TMEM69: variants seen among roughly 807,000 people sequenced by gnomAD.
TMEM69 encodes chromosome 1 open reading frame 154.
A neutral mutation model predicts 15.8 loss-of-function variants in TMEM69; 17 were observed. The ratio of observed to expected loss-of-function variants is 1.07; its 90% confidence interval spans 0.73 to 1.61. The LOEUF is 1.61. Among genes scored for constraint, TMEM69 ranks in the 40% most tolerant of loss-of-function variants. The probability of loss-of-function intolerance (pLI) is 0.00; values close to 1 mark genes in which losing one functional copy is unlikely to be tolerated. For synonymous variants in TMEM69, 80 were observed against 98.6 expected, an observed-to-expected ratio of 0.81 and a Z score of 1.12; for missense variants, 230 against 286.1, an observed-to-expected ratio of 0.80 and a Z score of 1.41.
chr1:45,689,127 C>T (rs1372303350), intron 1 of TMEM69, among the ~76,000 whole-genome samples: 2 of 151,870 alleles, frequency 1.3e-5, no homozygotes, highest in Non-Finnish European at 2.9e-5. Flanking sequence ...CCAGGCTGGT[C>T]TCGAACTCCT....
chr1:45,689,344 T>TA (rs1645327660), intron 1 of TMEM69, among the ~76,000 whole-genome samples: 1 of 152,234 alleles, frequency 6.6e-6, no homozygotes, highest in Non-Finnish European at 1.5e-5. Flanking sequence ...TTAGAGTTTT[T>TA]AATCAGTCCC....
chr1:45,692,475 A>C (rs1024835722), intron 2 of TMEM69, among the ~76,000 whole-genome samples: 26 of 152,202 alleles, frequency 1.7e-4, no homozygotes, highest in Admixed American at 1.6e-3. Flanking sequence ...AATGAAAGGC[A>C]GTGGGGATTT....
At position 45,688,216 on chromosome 1, in the gene TMEM69, G is replaced by A. The variant is rs1480233103; in HGVS notation, c.-155G>A. On this transcript the variant is annotated 5_prime_UTR_variant, in exon 1 of 3. Transcript: ENST00000372025. ...AGTGCCTTTCCAGTGGACCTGGGCTGTTGTTGCGGTTGTTTTCCTTCTCTC... is the reference window on the plus strand; with the variant it reads ...AGTGCCTTTCCAGTGGACCTGGGCTATTGTTGCGGTTGTTTTCCTTCTCTC... The A allele has an allele frequency of 6.6e-6, 1 of 152,166 alleles. No homozygotes were observed. Among genetic ancestry groups the A allele is most frequent in the Non-Finnish European group, 1.5e-5 (1 of 68,054 alleles). The allele number at this position is 152,166 out of a possible 1,614,324, so 9.4% of individuals were successfully genotyped here. A position where few individuals can be genotyped will look rare whatever the true frequency, so the allele number is the denominator to read the frequency against.
Position 45,693,986 on chromosome 1 carries a change from G to A in TMEM69, c.*81G>A. 3 of 930,828 alleles carry A rather than the reference G, an allele frequency of 3.2e-6. No homozygotes were observed. The highest frequency in any genetic ancestry group is 3.1e-6 in the Non-Finnish European group (2 of 640,190). The allele number at this position is 930,828 out of a possible 1,614,324, so 57.7% of individuals were successfully genotyped here. ...GGGAAGTGAGGAGCGCCTCTGCCTGGCCGCCTGACCATCTGGGAAGTGTGA... is the reference window on the plus strand; with the variant it reads ...GGGAAGTGAGGAGCGCCTCTGCCTGACCGCCTGACCATCTGGGAAGTGTGA... On this transcript the variant is annotated 3_prime_UTR_variant, in exon 3 of 3. Transcript: ENST00000372025.
chr1:45,693,693 A>G lies in TMEM69; in HGVS notation c.532A>G (p.Ile178Val), dbSNP rs1645361997. 6.2e-7 allele frequency: 1 copy of G among 1,613,984 alleles called. No homozygotes were observed. Among genetic ancestry groups the G allele is most frequent in the African/African-American group, 1.3e-5 (1 of 74,906 alleles). Residue 178 changes from isoleucine (I) to valine (V), a missense_variant, in exon 3 of 3, where the codon ATT becomes GTT. Coordinates refer to ENST00000372025, the MANE Select transcript of TMEM69 (RefSeq NM_016486.4). ...PLFFSWFAFL[I>V]SERLSEAIVT... The stretch of plus-strand genomic sequence containing the variant: ...TTTCTTTTCATGGTTTGCCTTCCTT[A>G]TTTCTGAAAGACTTAGTGAAGCCAT...
In TMEM69 at chr1:45,693,900, G is replaced by A. The variant is rs1210661234; in HGVS notation, c.739G>A (p.Val247Ile). 6.3e-7 allele frequency: 1 copy of A among 1,583,094 alleles called. No homozygotes were observed. The highest frequency in any genetic ancestry group is 1.4e-5 in the African/African-American group (1 of 73,320). Reference sequence around the variant, plus strand: ...AAAAGGACATAAGAGACCTGGTCAAGTATAAAAAATATAAAAGTCTGGGAA... The same window carrying A: ...AAAAGGACATAAGAGACCTGGTCAAATATAAAAAATATAAAAGTCTGGGAA... ...PEKGHKRPGQ[V>I] The change falls in exon 3 of 3, where the codon GTA becomes ATA. Residue 247 changes from valine to isoleucine, a missense_variant. Physicochemically the swap from Val to Ile is conservative, Grantham distance 29 (BLOSUM62 3). Coordinates refer to ENST00000372025, the MANE Select transcript of TMEM69 (RefSeq NM_016486.4).
intron 1 of TMEM69, among the ~76,000 whole-genome samples, chr1:45,689,730 C>T (rs1438651164): frequency 6.6e-6 from 1 of 151,788 alleles, no homozygotes; most frequent in African/African-American, 2.4e-5. Context: ...CCCAGCTACT[C>T]AGGAGGCTGA....
At chr1:45,690,230 G>A (rs779700223) in intron 1 of TMEM69, among the ~76,000 whole-genome samples, 19 of 152,134 alleles carry the variant, frequency 1.2e-4, no homozygotes, top group Non-Finnish European at 1.8e-4. Flanking sequence ...CACCGGGCGC[G>A]GTGGCTCATG....
In TMEM69 at chr1:45,693,708, AG is replaced by A. The variant is rs1356413800; in HGVS notation, c.548del (p.Ser183MetfsTer4). On this transcript the variant is annotated frameshift_variant, in exon 3 of 3. Transcript: ENST00000372025. LOFTEE classifies it high-confidence loss of function. ...WFAFLISERL[S>X]EAIVTVIMGM... ...TGCCTTCCTTATTTCTGAAAGACTT[AG>A]TGAAGCCATAGTCACAGTAATAATG... 6.2e-7 allele frequency: 1 copy of A among 1,614,028 alleles called. No homozygotes were observed. Among genetic ancestry groups the A allele is most frequent in the African/African-American group, 1.3e-5 (1 of 74,906 alleles).
chr1:45,690,594 G>GA (rs904508510), intron 1 of TMEM69, among the ~76,000 whole-genome samples: 5 of 151,096 alleles, frequency 3.3e-5, no homozygotes, highest in Non-Finnish European at 7.4e-5. Context: ...AAAATAGGAG[G>GA]AAAAAAGGAA....
At position 45,694,279 on chromosome 1, in the gene TMEM69, C is replaced by T; in HGVS notation, c.*374C>T. The T allele has an allele frequency of 1.6e-6, 1 of 611,550 alleles. No homozygotes were observed. The highest frequency in any genetic ancestry group is 2.9e-5 in the East Asian group (1 of 34,524). 37.9% of individuals were successfully genotyped at this position (611,550 alleles called of 1,614,324 possible). Reference sequence around the variant, plus strand: ...TCTTCATTTCTAGAAATTGTTACTTCATGGTAATTACTTGAGCAAAAGCTT... The same window carrying T: ...TCTTCATTTCTAGAAATTGTTACTTTATGGTAATTACTTGAGCAAAAGCTT... On this transcript the variant is annotated 3_prime_UTR_variant, in exon 3 of 3. Transcript: ENST00000372025.
At chr1:45,693,147 T>C in intron 2 of TMEM69, 57 bp from the exon 3 acceptor site, 1 of 1,306,170 alleles carries the variant, frequency 7.7e-7, no homozygotes, top group Non-Finnish European at 1.1e-6. Context: ...TTGACTAAAA[T>C]CTGATGATAC....
chr1:45,694,305 G>C lies in TMEM69; in HGVS notation c.*400G>C. 3.1e-6 allele frequency: 2 copies of C among 641,856 alleles called. No homozygotes were observed. The highest frequency in any genetic ancestry group is 5.5e-6 in the Non-Finnish European group (2 of 363,560). 39.8% of individuals were successfully genotyped at this position (641,856 alleles called of 1,614,324 possible). A position where few individuals can be genotyped will look rare whatever the true frequency, so the allele number is the denominator to read the frequency against. On this transcript the variant is annotated 3_prime_UTR_variant, in exon 3 of 3. Coordinates refer to ENST00000372025, the MANE Select transcript of TMEM69 (RefSeq NM_016486.4). ...ATGGTAATTACTTGAGCAAAAGCTT[G>C]AAAATCCCTGACAAGTACTTTTCAT...
chr1:45,689,229 G>A (rs560441111), intron 1 of TMEM69, among the ~76,000 whole-genome samples: 3 of 151,940 alleles, frequency 2.0e-5, no homozygotes, highest in Admixed American at 2.0e-4. Context: ...TTAAAATTAA[G>A]CAGCAACTGT....
chr1:45,694,030 C>A lies in TMEM69; in HGVS notation c.*125C>A, dbSNP rs557819445. Reference sequence around the variant, plus strand: ...AGTGTGACAAGCGCCTCTGCCCGGCCGCTGTGCAACCTTCCACGTGTGAAG... The same window carrying A: ...AGTGTGACAAGCGCCTCTGCCCGGCAGCTGTGCAACCTTCCACGTGTGAAG... On this transcript the variant is annotated 3_prime_UTR_variant, in exon 3 of 3. Coordinates refer to ENST00000372025, the MANE Select transcript of TMEM69 (RefSeq NM_016486.4). The A allele has an allele frequency of 1.6e-6, 1 of 606,986 alleles. No individual in the cohort carries two copies. Among genetic ancestry groups the A allele is most frequent in the Admixed American group, 3.2e-5 (1 of 31,016 alleles). The allele number at this position is 606,986 out of a possible 1,614,324, so 37.6% of individuals were successfully genotyped here. A position where few individuals can be genotyped will look rare whatever the true frequency, so the allele number is the denominator to read the frequency against.
At chr1:45,690,636 GT>G (rs1023110001) in intron 1 of TMEM69, among the ~76,000 whole-genome samples, 3 of 150,010 alleles carry the variant, frequency 2.0e-5, no homozygotes, top group Admixed American at 1.3e-4. Flanking sequence ...TTTTGTTTTG[GT>G]TTTTTTTTTA....
At chr1:45,690,831 A>T (rs1348025024) in intron 1 of TMEM69, 143 bp from the exon 2 acceptor site, 13 of 558,738 alleles carry the variant, frequency 2.3e-5, no homozygotes, top group Non-Finnish European at 4.1e-5. Context: ...TACTAAAAGG[A>T]TCTATTTTGT....
rs551643675 is a variant in TMEM69, at chr1:45,693,214, A to G, written c.53A>G (p.Tyr18Cys). The G allele has an allele frequency of 6.2e-7, 1 of 1,606,072 alleles. No individual in the cohort carries two copies. The highest frequency in any genetic ancestry group is 1.1e-5 in the South Asian group (1 of 89,864). ...FSQASSKILKYSFPVGLRTSR... is the reference protein window; with the variant it reads ...FSQASSKILKCSFPVGLRTSR... Reference sequence around the variant, plus strand: ...CTATTTTCTTTGTAGATACTGAAGTACTCTTTCCCAGTGGGACTAAGAACC... The same window carrying G: ...CTATTTTCTTTGTAGATACTGAAGTGCTCTTTCCCAGTGGGACTAAGAACC... The change falls in exon 3 of 3, where the codon TAC (tyrosine) becomes TGC (cysteine). Residue 18 changes from tyrosine (Y) to cysteine (C), a missense_variant. By Grantham distance (194) the Tyr-to-Cys change is radical. Coordinates refer to ENST00000372025, the MANE Select transcript of TMEM69 (RefSeq NM_016486.4).
rs188726213 is a variant in TMEM69 at position 45,690,979 on chromosome 1, T to C, written c.-90T>C. On this transcript the variant is annotated 5_prime_UTR_variant, in exon 2 of 3. It removes an upstream start codon present in the reference 5' UTR. Coordinates refer to ENST00000372025, the MANE Select transcript of TMEM69 (RefSeq NM_016486.4). Reference sequence around the variant, plus strand: ...ACACCTTGTGTTATACACAGAAACATGCCCCTGATTCAGTGCCTCTGCTTA... The same window carrying C: ...ACACCTTGTGTTATACACAGAAACACGCCCCTGATTCAGTGCCTCTGCTTA... 2.8e-6 allele frequency: 4 copies of C among 1,407,286 alleles called. No homozygotes were observed. Among genetic ancestry groups the C allele is most frequent in the East Asian group, 4.6e-5 (2 of 43,810 alleles). The allele number at this position is 1,407,286 out of a possible 1,614,324, so 87.2% of individuals were successfully genotyped here.
Sources: gnomAD v4.1 joint callset for allele counts (sites outside exome capture counted in the v4.1 genomes callset) on GRCh38, gnomAD v4.1.1 for gene constraint, MANE v1.5 for transcripts, NCBI Gene and HGNC (gene_info 2026-07-23, HGNC 2026-07-21) for gene names.